CRTAC1: variants seen among roughly 807,000 people sequenced by gnomAD.
The protein encoded by CRTAC1 is acidic secreted protein in cartilage.
In CRTAC1, 37 loss-of-function variants were observed where a neutral mutation model predicts 67.8. That is an observed-to-expected ratio of 0.55 (90% CI 0.42 to 0.72). The LOEUF is 0.72. Among genes scored for constraint, CRTAC1 ranks in the 30% least tolerant of loss-of-function variants. The probability of loss-of-function intolerance (pLI) is 0.00; values close to 1 mark genes in which losing one functional copy is unlikely to be tolerated. For missense variants in CRTAC1, 780 were observed against 931.6 expected (o/e 0.84, Z 2.12); for synonymous variants, 348 against 371.0 (o/e 0.94, Z 0.71).
intron 14 of CRTAC1, among the ~76,000 whole-genome samples, chr10:97,874,421 A>G (rs1200835097): frequency 6.6e-6 from 1 of 152,196 alleles, no homozygotes; most frequent in African/African-American, 2.4e-5. Context: ...ATGAGAATTC[A>G]GCAGAACATA....
chr10:97,934,672 A>G (rs559511125), intron 3 of CRTAC1, among the ~76,000 whole-genome samples: 1 of 152,240 alleles, frequency 6.6e-6, no homozygotes, highest in African/African-American at 2.4e-5. Flanking sequence ...CCTCATAGCC[A>G]GGCAGTCACC....
chr10:97,873,935 G>A (rs2050118973), intron 14 of CRTAC1, among the ~76,000 whole-genome samples: 1 of 152,218 alleles, frequency 6.6e-6, no homozygotes, highest in South Asian at 2.1e-4. Context: ...TAAGGACCAA[G>A]TATGGTTCTT....
Position 97,896,108 on chromosome 10 carries a change from G to A in CRTAC1, c.1217-123C>T, listed in dbSNP as rs1240840794. On this transcript the variant is annotated intron_variant, in intron 9 of 14. Transcript: ENST00000370597. ...GGAGCCAGAGAAAGCACAGCACCGG[G>A]GCAGGAAGGCTGGGGCTTGGCACCC... 3.8e-6 allele frequency: 3 copies of A among 789,544 alleles called. No individual in the cohort carries two copies. The African/African-American group carries it at 5.1e-5, about 14-fold the overall frequency. 48.9% of individuals were successfully genotyped at this position (789,544 alleles called of 1,614,324 possible).
At chr10:97,980,967 C>G (rs1391557232) in intron 2 of CRTAC1, among the ~76,000 whole-genome samples, 1 of 152,156 alleles carries the variant, frequency 6.6e-6, no homozygotes, top group Non-Finnish European at 1.5e-5. Context: ...TTCCACCCTG[C>G]AATATCAGAC....
intron 5 of CRTAC1, among the ~76,000 whole-genome samples, chr10:97,915,475 A>G (rs1195189729): frequency 6.6e-6 from 1 of 152,162 alleles, no homozygotes; most frequent in Non-Finnish European, 1.5e-5. Flanking sequence ...ACATCTGGAC[A>G]TGGCCTGCCC....
At chr10:97,919,994 T>TC (rs1252943649) in intron 4 of CRTAC1, among the ~76,000 whole-genome samples, 2 of 151,900 alleles carry the variant, frequency 1.3e-5, no homozygotes, top group Non-Finnish European at 2.9e-5. Flanking sequence ...CAATCTATCC[T>TC]CCCCATTTGG....
intron 2 of CRTAC1, among the ~76,000 whole-genome samples, chr10:97,943,325 A>T (rs1302232941): frequency 2.0e-5 from 3 of 152,192 alleles, no homozygotes; most frequent in Non-Finnish European, 4.4e-5. Flanking sequence ...AGAGGTAAAG[A>T]CACCTACCCA....
At chr10:97,898,901 C>CT (rs200745560) in intron 8 of CRTAC1, among the ~76,000 whole-genome samples, 22 of 152,080 alleles carry the variant, frequency 1.4e-4, no homozygotes, top group African/African-American at 3.4e-4. Context: ...TTTCCTTCTT[C>CT]TTTTTTTTGC....
Position 97,904,654 on chromosome 10 carries a change from G to A in CRTAC1, c.996+15C>T, listed in dbSNP as rs761893783. 2 of 1,518,236 alleles carry A rather than the reference G, an allele frequency of 1.3e-6. No individual in the cohort carries two copies. The highest frequency in any genetic ancestry group is 1.8e-6 in the Non-Finnish European group (2 of 1,136,442). 94.0% of individuals were successfully genotyped at this position (1,518,236 alleles called of 1,614,324 possible). ...CAGGCTGGTCTTGAACTCCTGGGGT[G>A]AGGCCCCTTCTTACCCGGAAGCGGA... On this transcript the variant is annotated intron_variant, in intron 7 of 14. Coordinates refer to ENST00000370597, the MANE Select transcript of CRTAC1 (RefSeq NM_018058.7).
Position 97,908,047 on chromosome 10 carries a change from G to T in CRTAC1, c.816C>A (p.Gly272=). 6.2e-7 allele frequency: 1 copy of T among 1,614,162 alleles called. No individual in the cohort carries two copies. The highest frequency in any genetic ancestry group is 8.5e-7 in the Non-Finnish European group (1 of 1,180,018). Residue 272 remains glycine, a synonymous_variant, in exon 6 of 15, where the codon GGC becomes GGA. Coordinates refer to ENST00000370597, the MANE Select transcript of CRTAC1 (RefSeq NM_018058.7). ...NGPNFLFHNR[G]DGTFVDAAAS... Reference sequence around the variant, plus strand: ...CCGCAGCGTCCACAAAGGTGCCATCGCCCCGGTTGTGGAAAAGGAAGTTAG... The same window carrying T: ...CCGCAGCGTCCACAAAGGTGCCATCTCCCCGGTTGTGGAAAAGGAAGTTAG...
intron 2 of CRTAC1, among the ~76,000 whole-genome samples, chr10:97,967,939 G>A (rs1925557): frequency 0.36 from 54,248 of 152,066 alleles, 10,120 homozygotes; most frequent in Non-Finnish European, 0.42. Context: ...GGCATTCTTT[G>A]TCTTCCGTCT....
At chr10:97,876,373 C>G (rs1196214835) in intron 14 of CRTAC1, among the ~76,000 whole-genome samples, 1 of 152,206 alleles carries the variant, frequency 6.6e-6, no homozygotes, top group African/African-American at 2.4e-5. Flanking sequence ...CCCAGACACG[C>G]CAAGCCCACT....
At chr10:97,991,087 A>G (rs1430778233) in intron 2 of CRTAC1, among the ~76,000 whole-genome samples, 3 of 141,708 alleles carry the variant, frequency 2.1e-5, no homozygotes, top group Non-Finnish European at 4.6e-5. Flanking sequence ...AACATACGAG[A>G]AACCATCTCT....
chr10:97,950,046 A>G (rs1295776495), intron 2 of CRTAC1, among the ~76,000 whole-genome samples: 1 of 152,202 alleles, frequency 6.6e-6, no homozygotes, highest in Non-Finnish European at 1.5e-5. Context: ...TGTGAGCTCC[A>G]TGGAGTTCTG....
intron 5 of CRTAC1, 107 bp from the exon 6 acceptor site, chr10:97,908,254 A>T: frequency 3.3e-6 from 4 of 1,205,112 alleles, no homozygotes; most frequent in Admixed American, 2.3e-5. Context: ...GAGGCTCCTC[A>T]GAGGAGCCTG....
At chr10:97,904,635 G>A in intron 7 of CRTAC1, 34 bp downstream of exon 7, 1 of 1,487,132 alleles carries the variant, frequency 6.7e-7, no homozygotes. Context: ...TGGACAGGCT[G>A]GTCTTGAACT....
chr10:97,971,830 G>A (rs1263943081), intron 2 of CRTAC1, among the ~76,000 whole-genome samples: 2 of 152,144 alleles, frequency 1.3e-5, no homozygotes, highest in Non-Finnish European at 2.9e-5. Context: ...TTTGGCTTGA[G>A]GTGTACATTT....
chr10:97,995,824 G>A (rs1382778610), intron 2 of CRTAC1, among the ~76,000 whole-genome samples: 1 of 152,116 alleles, frequency 6.6e-6, no homozygotes, highest in Admixed American at 6.6e-5. Flanking sequence ...CAGGTCAGTA[G>A]GACCCCTCGG....
intron 2 of CRTAC1, among the ~76,000 whole-genome samples, chr10:98,007,314 A>AT (rs1842810708): frequency 2.0e-5 from 3 of 152,218 alleles, no homozygotes; most frequent in African/African-American, 4.8e-5. Context: ...CAAGGTCCTG[A>AT]TTTAAATATG....
Sources: gnomAD v4.1 joint callset for allele counts (sites outside exome capture counted in the v4.1 genomes callset) on GRCh38, gnomAD v4.1.1 for gene constraint, MANE v1.5 for transcripts, NCBI Gene and HGNC (gene_info 2026-07-23, HGNC 2026-07-21) for gene names.